The following DPY19L1 variants were observed in gnomAD, a reference collection of about 807,000 sequenced individuals.
The protein encoded by DPY19L1 is dpy-19 like C-mannosyltransferase 1, also known as protein C-mannosyl-transferase DPY19L1.
In DPY19L1, 35 loss-of-function variants were observed where a neutral mutation model predicts 96.9. The ratio of observed to expected loss-of-function variants is 0.36; its 90% CI spans 0.28 to 0.48. The LOEUF (loss-of-function observed/expected upper bound fraction) is 0.48. DPY19L1 is among the 20% of genes least tolerant of loss of function. The pLI, the probability that DPY19L1 is intolerant of heterozygous loss-of-function variation, is 0.99. For missense variants in DPY19L1, 521 were observed against 777.9 expected (o/e 0.67, Z 3.93); for synonymous variants, 205 against 252.6 (o/e 0.81, Z 1.79).
intron 10 of DPY19L1, among the ~76,000 whole-genome samples, chr7:34,966,243 A>G (rs62461949): frequency 0.2 from 29,921 of 152,034 alleles, 3,325 homozygotes; most frequent in Admixed American, 0.36. Context: ...AGAATGTAGT[A>G]ATATGAATGC....
chr7:34,933,951 T>G (rs534986161), intron 21 of DPY19L1, among the ~76,000 whole-genome samples: 1 of 152,274 alleles, frequency 6.6e-6, no homozygotes, highest in East Asian at 1.9e-4. Flanking sequence ...AAACTCCATT[T>G]CATATATACA....
At chr7:35,000,057 T>C (rs62463583) in intron 6 of DPY19L1, among the ~76,000 whole-genome samples, 29,835 of 152,078 alleles carry the variant, frequency 0.2, 3,302 homozygotes, top group Admixed American at 0.35. Flanking sequence ...TGCATGTATA[T>C]ACAAAGCAGT....
intron 6 of DPY19L1, among the ~76,000 whole-genome samples, chr7:34,997,406 C>A (rs1785312070): frequency 8.8e-6 from 1 of 113,412 alleles, no homozygotes. Flanking sequence ...TCCTGGCTAA[C>A]ATGGTGAAAC....
intron 3 of DPY19L1, among the ~76,000 whole-genome samples, 196 bp downstream of exon 3, chr7:35,017,686 T>C (rs1562828442): frequency 6.6e-6 from 1 of 150,924 alleles, no homozygotes; most frequent in Non-Finnish European, 1.5e-5. Flanking sequence ...AAAAAATTAA[T>C]AAATAAAAAT....
At chr7:34,968,185 T>C (rs1784650002) in intron 9 of DPY19L1, among the ~76,000 whole-genome samples, 1 of 151,828 alleles carries the variant, frequency 6.6e-6, no homozygotes, top group South Asian at 2.1e-4. Context: ...CAAGACAAGA[T>C]CAAAGTAAAA....
chr7:35,031,217 T>C (rs1345147620), intron 1 of DPY19L1, among the ~76,000 whole-genome samples: 2 of 152,170 alleles, frequency 1.3e-5, no homozygotes, highest in Admixed American at 6.5e-5. Flanking sequence ...TTGAAAATAG[T>C]AGGCGGAAAA....
chr7:34,932,519 T>TA (rs1405516546), intron 21 of DPY19L1, among the ~76,000 whole-genome samples: 4 of 152,230 alleles, frequency 2.6e-5, no homozygotes, highest in African/African-American at 9.6e-5. Context: ...CATATGGCTT[T>TA]AACACTGTCA....
chr7:35,013,295 C>A (rs553701602), intron 4 of DPY19L1, among the ~76,000 whole-genome samples: 1 of 152,056 alleles, frequency 6.6e-6, no homozygotes, highest in Non-Finnish European at 1.5e-5. Flanking sequence ...AAAGTAACAG[C>A]GCTCCCTTGG....
At chr7:35,000,050 A>G (rs1226699982) in intron 6 of DPY19L1, among the ~76,000 whole-genome samples, 1 of 152,198 alleles carries the variant, frequency 6.6e-6, no homozygotes, top group Non-Finnish European at 1.5e-5. Flanking sequence ...AAAGATATGC[A>G]TGTATATACA....
Position 34,931,541 on chromosome 7 carries a change from T to G in DPY19L1, c.*32A>C, listed in dbSNP as rs1783752065. The G allele has an allele frequency of 3.3e-6, 5 of 1,500,848 alleles. No homozygotes were observed. In the East Asian group the frequency reaches 1.2e-4, roughly 36 times the overall value. 93.0% of individuals were successfully genotyped at this position (1,500,848 alleles called of 1,614,324 possible). On this transcript the variant is annotated 3_prime_UTR_variant, in exon 22 of 22. Transcript: ENST00000638088. ...CAAAACATTAAAACCATTACAGATGTAGTTCTCCGTAGGCAGCAGGTCATG... is the reference window on the plus strand; with the variant it reads ...CAAAACATTAAAACCATTACAGATGGAGTTCTCCGTAGGCAGCAGGTCATG...
rs1783903986 is a variant in DPY19L1 at position 34,937,849 on chromosome 7, A to G, written c.2090+145T>C. ...ACTCCAGCCTGGGCAACAGAGTGAG[A>G]GCCTGTTTAAAAAAAAAAGAAGAAG... On this transcript the variant is annotated intron_variant, in intron 21 of 21. Transcript: ENST00000638088. 4 of 762,734 alleles carry G rather than the reference A, an allele frequency of 5.2e-6. No homozygotes were observed. The South Asian group carries it at 8.7e-5, about 17-fold the overall frequency. The allele number at this position is 762,734 out of a possible 1,614,324, so 47.2% of individuals were successfully genotyped here.
At chr7:34,966,856 G>A in intron 10 of DPY19L1, 38 bp downstream of exon 10, 1 of 1,463,724 alleles carries the variant, frequency 6.8e-7, no homozygotes, top group Non-Finnish European at 9.1e-7. Flanking sequence ...GAGTTTTAAG[G>A]GCAAACTAAA....
At chr7:34,986,755 T>C (rs1214809078) in intron 7 of DPY19L1, among the ~76,000 whole-genome samples, 1 of 152,072 alleles carries the variant, frequency 6.6e-6, no homozygotes, top group Non-Finnish European at 1.5e-5. Flanking sequence ...TTTAATTAGA[T>C]ATGAACCTCA....
intron 7 of DPY19L1, among the ~76,000 whole-genome samples, chr7:34,989,656 A>C (rs893782568): frequency 6.0e-5 from 9 of 150,488 alleles, no homozygotes; most frequent in Non-Finnish European, 1.3e-4. Flanking sequence ...AAAAAAAAAA[A>C]CAGAATTGAT....
chr7:34,974,199 C>T (rs1368583524), intron 7 of DPY19L1, among the ~76,000 whole-genome samples: 5 of 152,106 alleles, frequency 3.3e-5, no homozygotes, highest in Non-Finnish European at 7.4e-5. Flanking sequence ...TCACTTTGGA[C>T]ATAATTAAGC....
intron 1 of DPY19L1, among the ~76,000 whole-genome samples, chr7:35,035,862 T>A (rs999939748): frequency 6.6e-6 from 1 of 152,048 alleles, no homozygotes; most frequent in African/African-American, 2.4e-5. Flanking sequence ...AAGGTGAGCT[T>A]TTCTAACCTG....
rs559669150 is a variant in DPY19L1 at position 34,946,731 on chromosome 7, G to A, written c.1494+899C>T. On this transcript the variant is annotated intron_variant, in intron 15 of 21. Transcript: ENST00000638088. ...AACGATAGGGGAAGGTGCAGAGCCCGAGTCTCACTCTTCCCTTGCTTTTAA... is the reference window on the plus strand; with the variant it reads ...AACGATAGGGGAAGGTGCAGAGCCCAAGTCTCACTCTTCCCTTGCTTTTAA... 5.3e-5 allele frequency among the ~76,000 whole-genome samples: 8 copies of A among 152,296 alleles called. No individual in the cohort carries two copies. In the South Asian group the frequency reaches 8.3e-4, roughly 16 times the overall value.
chr7:34,940,800 A>G (rs1783994520), intron 18 of DPY19L1: 1 of 162,024 alleles, frequency 6.2e-6, no homozygotes. Flanking sequence ...TGCTATTTTT[A>G]ACGACAAAAT....
intron 6 of DPY19L1, among the ~76,000 whole-genome samples, chr7:35,006,732 C>T (rs1160136916): frequency 6.6e-6 from 1 of 152,194 alleles, no homozygotes; most frequent in Non-Finnish European, 1.5e-5. Flanking sequence ...TTCATCTCCT[C>T]AAGTTAGAGC....
Sources: gnomAD v4.1 joint callset for allele counts (sites outside exome capture counted in the v4.1 genomes callset) on GRCh38, gnomAD v4.1.1 for gene constraint, MANE v1.5 for transcripts, NCBI Gene and HGNC (gene_info 2026-07-23, HGNC 2026-07-21) for gene names.